GLIS1: variants seen among roughly 807,000 people sequenced by gnomAD.
GLIS1 encodes zinc finger protein GLIS1.
A neutral mutation model predicts 63.8 loss-of-function variants in GLIS1; 24 were observed. That is an observed-to-expected ratio of 0.38 (90% CI 0.27 to 0.53). The LOEUF (loss-of-function observed/expected upper bound fraction) is 0.53, where lower values mean the gene tolerates loss of function less well. GLIS1 is among the 20% of genes least tolerant of loss of function. The pLI is 0.85. For synonymous variants in GLIS1, 450 were observed against 482.5 expected (o/e 0.93, Z 0.88); for missense variants, 1,036 against 1,074.1 (o/e 0.96, Z 0.50).
chr1:53,719,986 G>C (rs892298428), intron 2 of GLIS1, among the ~76,000 whole-genome samples: 4 of 152,076 alleles, frequency 2.6e-5, no homozygotes, highest in African/African-American at 9.7e-5. Context: ...GACTAGCCTG[G>C]ACAACATGGT....
intron 2 of GLIS1, among the ~76,000 whole-genome samples, chr1:53,638,434 C>T (rs1038773742): frequency 3.0e-4 from 46 of 152,152 alleles, no homozygotes; most frequent in African/African-American, 6.5e-4. Flanking sequence ...TGAAAGATGA[C>T]GCAGAGACCC....
chr1:53,543,778 C>T (rs1644669200), intron 4 of GLIS1, among the ~76,000 whole-genome samples: 1 of 152,030 alleles, frequency 6.6e-6, no homozygotes, highest in Non-Finnish European at 1.5e-5. Context: ...TCACCTGCAT[C>T]TCGGATGTCC....
At chr1:53,617,815 C>T (rs563958429) in intron 2 of GLIS1, among the ~76,000 whole-genome samples, 4 of 152,200 alleles carry the variant, frequency 2.6e-5, no homozygotes, top group East Asian at 1.9e-4. Flanking sequence ...GAAAAGGAAG[C>T]GCTGCTGAGA....
chr1:53,676,620 C>G (rs554847349), intron 2 of GLIS1, among the ~76,000 whole-genome samples: 2 of 152,168 alleles, frequency 1.3e-5, no homozygotes, highest in Non-Finnish European at 2.9e-5. Context: ...ACCCCCAGCC[C>G]CAGCCCTGCC....
At chr1:53,512,487 G>A (rs1435716348) in intron 8 of GLIS1, among the ~76,000 whole-genome samples, 7 of 152,134 alleles carry the variant, frequency 4.6e-5, no homozygotes, top group African/African-American at 1.2e-4. Flanking sequence ...CTATTTAAAC[G>A]TCCCAGCAAA....
chr1:53,677,996 C>A (rs776875976), intron 2 of GLIS1, among the ~76,000 whole-genome samples: 37 of 152,340 alleles, frequency 2.4e-4, no homozygotes, highest in Non-Finnish European at 4.9e-4. Context: ...GAGGTCCCCA[C>A]CACCATGGCT....
intron 2 of GLIS1, among the ~76,000 whole-genome samples, chr1:53,644,619 G>A (rs1241272189): frequency 6.6e-6 from 1 of 152,302 alleles, no homozygotes; most frequent in East Asian, 1.9e-4. Flanking sequence ...TGCTGAAGGT[G>A]GGCACCACAG....
intron 2 of GLIS1, among the ~76,000 whole-genome samples, chr1:53,678,841 C>A (rs1646243766): frequency 6.6e-6 from 1 of 152,192 alleles, no homozygotes; most frequent in Non-Finnish European, 1.5e-5. Context: ...ACCGCACAAG[C>A]TGAACTCCAG....
chr1:53,594,400 T>A lies in GLIS1; in HGVS notation c.1028A>T (p.Tyr343Phe). The A allele has an allele frequency of 6.2e-7, 1 of 1,612,124 alleles. No homozygotes were observed. Among genetic ancestry groups the A allele is most frequent in the Non-Finnish European group, 8.5e-7 (1 of 1,179,468 alleles). Reference protein sequence around the residue: ...GPHQQGLPPPYPLSQLPPGPS... With the variant: ...GPHQQGLPPPFPLSQLPPGPS... Reference sequence around the variant, plus strand: ...GCCAGGCGGCAACTGAGACAGGGGATAGGGGGGCGGCAGGCCCTGCTGGTG... The same window carrying A: ...GCCAGGCGGCAACTGAGACAGGGGAAAGGGGGGCGGCAGGCCCTGCTGGTG... Residue 343 changes from tyrosine (Y) to phenylalanine (F), a missense_variant, in exon 4 of 11, where the codon TAT (tyrosine) becomes TTT (phenylalanine). By Grantham distance (22) the Tyr-to-Phe change is conservative. Around this residue, in one of 3 missense-constraint regions of GLIS1, gnomAD observed 592 missense variants for 593.9 expected, o/e 1.00. Coordinates refer to ENST00000628545, the MANE Select transcript of GLIS1 (RefSeq NM_001367484.1).
chr1:53,671,431 T>C (rs1459229524), intron 2 of GLIS1, among the ~76,000 whole-genome samples: 1 of 152,176 alleles, frequency 6.6e-6, no homozygotes, highest in Non-Finnish European at 1.5e-5. Context: ...TAAAAGGAGC[T>C]TGGGTACCTG....
In GLIS1 at chr1:53,526,317, A is replaced by G. The variant is rs1455202507; in HGVS notation, c.1483-1430T>C. On this transcript the variant is annotated intron_variant, in intron 5 of 10. Transcript: ENST00000628545. The surrounding 1 kb of genome is among the most constrained non-coding windows in gnomAD (Gnocchi z 4.4). ...GTACCCATGGCCCTGGGACCTCATG[A>G]GGAGGGGAAGCAGAAAGAGACGACC... Among the ~76,000 whole-genome samples, 2 of 152,150 alleles carry G rather than the reference A, an allele frequency of 1.3e-5. No homozygotes were observed. The highest frequency in any genetic ancestry group is 2.9e-5 in the Non-Finnish European group (2 of 68,012).
intron 2 of GLIS1, among the ~76,000 whole-genome samples, chr1:53,605,840 C>G (rs1396198946): frequency 6.6e-6 from 1 of 152,226 alleles, no homozygotes; most frequent in Admixed American, 6.5e-5. Context: ...TCATTCCCAG[C>G]ACAGTCAGGC....
chr1:53,634,492 C>T (rs1645702326), intron 2 of GLIS1, among the ~76,000 whole-genome samples: 1 of 152,262 alleles, frequency 6.6e-6, no homozygotes, highest in Admixed American at 6.5e-5. Context: ...GTGTAGAACG[C>T]TCAGCTGTGT....
At chr1:53,622,076 G>A (rs532929685) in intron 2 of GLIS1, among the ~76,000 whole-genome samples, 9 of 152,108 alleles carry the variant, frequency 5.9e-5, no homozygotes, top group South Asian at 2.1e-4. Context: ...GTGCCACTGC[G>A]TCCGGCCTCA....
chr1:53,669,059 G>A (rs960232911), intron 2 of GLIS1, among the ~76,000 whole-genome samples: 10 of 152,226 alleles, frequency 6.6e-5, no homozygotes, highest in Admixed American at 6.5e-4. Context: ...CTGAGGCACA[G>A]ATGAGGCCTG....
chr1:53,632,934 G>A (rs1160349457), intron 2 of GLIS1, among the ~76,000 whole-genome samples: 2 of 147,874 alleles, frequency 1.4e-5, no homozygotes, highest in African/African-American at 5.0e-5. Context: ...GTGTGACTGA[G>A]GGGCATGTGA....
At chr1:53,571,582 A>AC (rs539041392) in intron 4 of GLIS1, among the ~76,000 whole-genome samples, 1 of 148,466 alleles carries the variant, frequency 6.7e-6, no homozygotes, top group Non-Finnish European at 1.5e-5. Context: ...ATGGATAAAA[A>AC]TTTTTTTTTT....
intron 2 of GLIS1, among the ~76,000 whole-genome samples, chr1:53,659,567 T>A (rs560170957): frequency 6.6e-6 from 1 of 152,206 alleles, no homozygotes; most frequent in Admixed American, 6.5e-5. Context: ...CTGCTCCCAG[T>A]CAGGACACCA....
Position 53,514,002 on chromosome 1 carries a change from A to G in GLIS1, c.1883+623T>C, listed in dbSNP as rs182096602. ...AGGCCTCCCTCTGCTCATTTGCAAG[A>G]AAAACAGATTTTGGCAGATCATGGT... On this transcript the variant is annotated intron_variant, in intron 8 of 10. Transcript: ENST00000628545. Among the ~76,000 whole-genome samples, 699 of 152,358 alleles carry G rather than the reference A, an allele frequency of 4.6e-3. 5 individuals carry two copies. Among genetic ancestry groups the G allele is most frequent in the Admixed American group, 7.7e-3 (118 of 15,308 alleles).
Sources: gnomAD v4.1 joint callset for allele counts (sites outside exome capture counted in the v4.1 genomes callset) on GRCh38, gnomAD v4.1.1 for gene constraint, gnomAD v4.1.1 regional missense constraint, Gnocchi (gnomAD v3.1) non-coding constraint, MANE v1.5 for transcripts, NCBI Gene and HGNC (gene_info 2026-07-23, HGNC 2026-07-21) for gene names.